Variants in RARB observed in about 807,000 individuals in gnomAD.
RARB encodes the protein retinoic acid receptor beta.
In RARB, 17 loss-of-function variants were observed where a neutral mutation model predicts 51.9. The ratio of observed to expected loss-of-function variants is 0.33; its 90% confidence interval spans 0.22 to 0.49. The LOEUF is 0.49. Ranked by LOEUF, RARB falls within the 20% of genes least tolerant of loss-of-function variation. The pLI, the probability that RARB is intolerant of heterozygous loss-of-function variation, is 0.99. For missense variants in RARB, 369 were observed against 550.8 expected (o/e 0.67, Z 3.30); for synonymous variants, 215 against 195.4 (o/e 1.10, Z -0.84).
At chr3:24,896,450 A>G (rs978868578) in intron 2 of RARB, among the ~76,000 whole-genome samples, 13 of 151,944 alleles carry the variant, frequency 8.6e-5, no homozygotes, top group Non-Finnish European at 1.2e-4. Context: ...TAGTAGAGAC[A>G]GGGTTTCACA....
chr3:24,841,592 T>C (rs1010149729), intron 1 of RARB, among the ~76,000 whole-genome samples: 2 of 152,210 alleles, frequency 1.3e-5, no homozygotes, highest in Non-Finnish European at 2.9e-5. Flanking sequence ...CCATTTGATA[T>C]TTTAGATTAG....
At chr3:25,041,299 T>G (rs2125295046) in intron 2 of RARB, among the ~76,000 whole-genome samples, 1 of 152,326 alleles carries the variant, frequency 6.6e-6, no homozygotes, top group South Asian at 2.1e-4. Flanking sequence ...ATTTGATGAA[T>G]TTTTCTACTG....
chr3:25,182,373 G>A (rs1481592709), intron 5 of RARB, among the ~76,000 whole-genome samples: 4 of 152,156 alleles, frequency 2.6e-5, no homozygotes, highest in Non-Finnish European at 5.9e-5. Flanking sequence ...ATGGTGCTGG[G>A]AACAGCGATA....
intron 5 of RARB, among the ~76,000 whole-genome samples, chr3:25,297,798 A>G (rs2125425678): frequency 6.6e-6 from 1 of 152,242 alleles, no homozygotes; most frequent in South Asian, 2.1e-4. Context: ...ATCTTTATCC[A>G]GGAGGTTGTT....
intron 3 of RARB, among the ~76,000 whole-genome samples, chr3:25,531,835 C>T (rs1481182862): frequency 6.6e-6 from 1 of 151,700 alleles, no homozygotes; most frequent in Non-Finnish European, 1.5e-5. Flanking sequence ...AAGAAGAGCT[C>T]GATTTAATTT....
At chr3:25,168,506 A>G (rs886371165) in intron 4 of RARB, among the ~76,000 whole-genome samples, 2 of 152,200 alleles carry the variant, frequency 1.3e-5, no homozygotes, top group Non-Finnish European at 2.9e-5. Context: ...GTTTACAGGC[A>G]TAAGAAATCA....
intron 2 of RARB, among the ~76,000 whole-genome samples, chr3:24,924,844 T>G (rs1254397297): frequency 6.6e-6 from 1 of 152,124 alleles, no homozygotes; most frequent in Non-Finnish European, 1.5e-5. Context: ...ATACCCCTTA[T>G]CCTTACAGGG....
At chr3:25,057,788 A>G (rs754946612) in intron 2 of RARB, among the ~76,000 whole-genome samples, 1 of 152,048 alleles carries the variant, frequency 6.6e-6, no homozygotes, top group Non-Finnish European at 1.5e-5. Context: ...AAGCTAAACT[A>G]TCATTTTAAA....
intron 4 of RARB, among the ~76,000 whole-genome samples, chr3:25,576,216 G>A (rs1700923053): frequency 6.6e-6 from 1 of 152,192 alleles, no homozygotes; most frequent in South Asian, 2.1e-4. Flanking sequence ...GATAAGGTGT[G>A]TGAACATTAG....
At chr3:25,441,871 A>G (rs1204917120) in intron 1 of RARB, among the ~76,000 whole-genome samples, 2 of 152,132 alleles carry the variant, frequency 1.3e-5, no homozygotes, top group Non-Finnish European at 2.9e-5. Flanking sequence ...CAGTGCTAAT[A>G]TAGTACTTGG....
At chr3:25,479,157 T>A (rs1310629582) in intron 2 of RARB, among the ~76,000 whole-genome samples, 2 of 150,774 alleles carry the variant, frequency 1.3e-5, no homozygotes, top group African/African-American at 2.4e-5. Context: ...TCTGTCTTCT[T>A]TTTTTTTTGC....
chr3:24,840,552 A>C (rs1702407784), intron 1 of RARB, among the ~76,000 whole-genome samples: 1 of 152,150 alleles, frequency 6.6e-6, no homozygotes, highest in Non-Finnish European at 1.5e-5. Flanking sequence ...TATATGGAAA[A>C]GATACATAAG....
intron 2 of RARB, among the ~76,000 whole-genome samples, chr3:24,931,226 T>A (rs1412135796): frequency 4.6e-5 from 7 of 152,064 alleles, no homozygotes; most frequent in Non-Finnish European, 1.0e-4. Context: ...CATGCATGTA[T>A]TTTTTAAAAA....
chr3:25,204,880 A>G (rs1338236925), intron 5 of RARB, among the ~76,000 whole-genome samples: 2 of 151,820 alleles, frequency 1.3e-5, no homozygotes, highest in Non-Finnish European at 1.5e-5. Context: ...TCAGGGACCC[A>G]CTTGAGGAGG....
chr3:24,877,865 C>A (rs1370266354), intron 2 of RARB, among the ~76,000 whole-genome samples: 1 of 152,154 alleles, frequency 6.6e-6, no homozygotes. Context: ...TGAATGTGAG[C>A]CTCTAATCGG....
intron 2 of RARB, among the ~76,000 whole-genome samples, chr3:24,879,831 T>C (rs1703122290): frequency 6.6e-6 from 1 of 151,614 alleles, no homozygotes; most frequent in African/African-American, 2.4e-5. Flanking sequence ...GTGTAGATTT[T>C]CTTGCAGATC....
At chr3:25,321,554 C>T (rs1704569887) in intron 5 of RARB, among the ~76,000 whole-genome samples, 1 of 151,808 alleles carries the variant, frequency 6.6e-6, no homozygotes, top group Non-Finnish European at 1.5e-5. Context: ...CCCTTCTCTA[C>T]TAAAAATTAA....
chr3:25,079,347 C>T (rs74395832), intron 3 of RARB, among the ~76,000 whole-genome samples: 136 of 152,240 alleles, frequency 8.9e-4, no homozygotes, highest in African/African-American at 3.2e-3. Context: ...CCTTTTCAAA[C>T]TGAATGCTAA....
At chr3:25,384,313 C>T (rs748555828) in intron 5 of RARB, among the ~76,000 whole-genome samples, 37 of 152,260 alleles carry the variant, frequency 2.4e-4, no homozygotes, top group Non-Finnish European at 4.4e-4. Context: ...TTCATCCCTC[C>T]CTCCCTCTCT....
Sources: gnomAD v4.1 joint callset for allele counts (sites outside exome capture counted in the v4.1 genomes callset) on GRCh38, gnomAD v4.1.1 for gene constraint, MANE v1.5 for transcripts, NCBI Gene and HGNC (gene_info 2026-07-23, HGNC 2026-07-21) for gene names.